MEIKIN: variants seen among roughly 807,000 people sequenced by gnomAD.
MEIKIN encodes the protein meiotic kinetochore factor, also known as meiosis-specific kinetochore protein.
chr5:131,850,002 A>C (rs1750084568), intron 11 of MEIKIN, among the ~76,000 whole-genome samples: 1 of 152,060 alleles, frequency 6.6e-6, no homozygotes, highest in Non-Finnish European at 1.5e-5. Flanking sequence ...CACAAAAATC[A>C]GGTGAATTTC....
intron 4 of MEIKIN, among the ~76,000 whole-genome samples, 152 bp downstream of exon 4, chr5:131,942,483 A>G (rs984126685): frequency 2.0e-5 from 3 of 152,246 alleles, no homozygotes; most frequent in Non-Finnish European, 4.4e-5. Flanking sequence ...GGCTTTAAGG[A>G]TGAGATCTAT....
chr5:131,807,782 C>T (rs1238670850), intron 12 of MEIKIN, among the ~76,000 whole-genome samples: 5 of 152,254 alleles, frequency 3.3e-5, no homozygotes, highest in African/African-American at 9.6e-5. Flanking sequence ...CCAGCTTTAC[C>T]TAGTTAACAC....
intron 8 of MEIKIN, among the ~76,000 whole-genome samples, chr5:131,890,867 T>C (rs1053316226): frequency 6.6e-6 from 1 of 152,222 alleles, no homozygotes; most frequent in East Asian, 1.9e-4. Flanking sequence ...GCTATAAATT[T>C]CCCTCTACAC....
chr5:131,897,349 C>T (rs1751070165), intron 8 of MEIKIN, among the ~76,000 whole-genome samples: 2 of 152,126 alleles, frequency 1.3e-5, no homozygotes, highest in Non-Finnish European at 2.9e-5. Flanking sequence ...GTGAATCTGA[C>T]AATTATGTGT....
intron 11 of MEIKIN, among the ~76,000 whole-genome samples, chr5:131,822,633 ACTGT>A (rs1475512749): frequency 5.3e-5 from 8 of 152,124 alleles, no homozygotes; most frequent in Non-Finnish European, 7.4e-5. Context: ...GTCTTATTGT[ACTGT>A]CTATGTCTTG....
chr5:131,883,925 C>A lies in MEIKIN; in HGVS notation c.704-4877G>T, dbSNP rs1750735917. On this transcript the variant is annotated intron_variant, in intron 8 of 12. Coordinates refer to ENST00000442687, the MANE Select transcript of MEIKIN (RefSeq NM_001303622.2). ...CTGCCCTGTCAAGTGGAAAGCAAAT[C>A]TGGGCTGAACTCAGCTGGTGCCCAC... Among the ~76,000 whole-genome samples, 2 of 152,192 alleles carry A rather than the reference C, an allele frequency of 1.3e-5. 1 individual carries two copies. Among genetic ancestry groups the A allele is most frequent in the Admixed American group, 1.3e-4 (2 of 15,274 alleles).
At chr5:131,845,946 CAAGT>C (rs1489518935) in intron 11 of MEIKIN, among the ~76,000 whole-genome samples, 1 of 152,042 alleles carries the variant, frequency 6.6e-6, no homozygotes, top group African/African-American at 2.4e-5. Context: ...CAACAAACTC[CAAGT>C]AAGATGAACT....
intron 8 of MEIKIN, among the ~76,000 whole-genome samples, chr5:131,896,241 G>A (rs1180105245): frequency 6.6e-6 from 1 of 152,174 alleles, no homozygotes; most frequent in Non-Finnish European, 1.5e-5. Context: ...TTGCACTGTG[G>A]TCTGAGAGAC....
At chr5:131,842,142 T>C (rs1749926494) in intron 11 of MEIKIN, among the ~76,000 whole-genome samples, 1 of 152,078 alleles carries the variant, frequency 6.6e-6, no homozygotes, top group African/African-American at 2.4e-5. Flanking sequence ...AATTTTTGTA[T>C]TTTTAGTAGA....
chr5:131,935,985 C>T (rs1451122302), intron 4 of MEIKIN, among the ~76,000 whole-genome samples: 1 of 152,166 alleles, frequency 6.6e-6, no homozygotes, highest in Non-Finnish European at 1.5e-5. Context: ...TTATCCTTCT[C>T]ACACTGTCTT....
chr5:131,915,223 T>C (rs1751398709), intron 7 of MEIKIN, among the ~76,000 whole-genome samples: 1 of 152,102 alleles, frequency 6.6e-6, no homozygotes, highest in Non-Finnish European at 1.5e-5. Context: ...TCAATGAGAC[T>C]CAAAGGGTTT....
chr5:131,863,458 T>A (rs144844961), intron 9 of MEIKIN, among the ~76,000 whole-genome samples: 27 of 152,214 alleles, frequency 1.8e-4, no homozygotes, highest in African/African-American at 6.3e-4. Flanking sequence ...ATTTGCTTTA[T>A]ACATCTGAGT....
intron 11 of MEIKIN, among the ~76,000 whole-genome samples, chr5:131,837,668 T>C (rs1280330674): frequency 6.6e-6 from 1 of 152,142 alleles, no homozygotes; most frequent in African/African-American, 2.4e-5. Flanking sequence ...TAACTGTAAT[T>C]GGTGTATAGG....
At chr5:131,813,885 G>A (rs140590942) in intron 12 of MEIKIN, among the ~76,000 whole-genome samples, 3 of 152,116 alleles carry the variant, frequency 2.0e-5, no homozygotes, top group Non-Finnish European at 2.9e-5. Context: ...TCACATGATC[G>A]CAGAGTCCCA....
intron 12 of MEIKIN, among the ~76,000 whole-genome samples, chr5:131,808,785 GT>G (rs1228150969): frequency 6.6e-6 from 1 of 152,174 alleles, no homozygotes; most frequent in Non-Finnish European, 1.5e-5. Context: ...CAAGTAAAAA[GT>G]AAATTTGGGC....
At chr5:131,822,934 AT>A (rs70974019) in intron 11 of MEIKIN, among the ~76,000 whole-genome samples, 62,324 of 116,694 alleles carry the variant, frequency 0.53, 15,261 homozygotes, top group Middle Eastern at 0.64. Flanking sequence ...TGCTTAAAGG[AT>A]TTTTTTTTTT....
intron 9 of MEIKIN, among the ~76,000 whole-genome samples, chr5:131,864,523 C>A (rs1416189725): frequency 6.6e-6 from 1 of 152,194 alleles, no homozygotes; most frequent in Non-Finnish European, 1.5e-5. Context: ...CAGATTTGTT[C>A]TTTCAGCACT....
intron 9 of MEIKIN, among the ~76,000 whole-genome samples, chr5:131,870,381 T>C (rs1026840325): frequency 6.6e-6 from 1 of 152,166 alleles, no homozygotes; most frequent in African/African-American, 2.4e-5. Flanking sequence ...TTTATTTTTC[T>C]CCTCTTCTCC....
At chr5:131,820,470 ACTG>A (rs1255584479) in intron 11 of MEIKIN, among the ~76,000 whole-genome samples, 1 of 152,170 alleles carries the variant, frequency 6.6e-6, no homozygotes, top group African/African-American at 2.4e-5. Context: ...CATCAGAGAT[ACTG>A]GTTTATAATT....
Sources: gnomAD v4.1 joint callset for allele counts (sites outside exome capture counted in the v4.1 genomes callset) on GRCh38, gnomAD v4.1.1 for gene constraint, MANE v1.5 for transcripts, NCBI Gene and HGNC (gene_info 2026-07-23, HGNC 2026-07-21) for gene names.